RSPH14: variants seen among roughly 807,000 people sequenced by gnomAD.
RSPH14 encodes the protein rhabdoid tumor deletion region gene 1.
RSPH14 carries 20 observed loss-of-function variants against 26.7 expected under a neutral mutation model. The ratio of observed to expected loss-of-function variants is 0.75; its 90% CI spans 0.53 to 1.09. The LOEUF is 1.09. RSPH14 is among the 50% of genes least tolerant of loss of function. The pLI is 0.00. For synonymous variants in RSPH14, 177 were observed against 189.3 expected (o/e 0.93, Z 0.53); for missense variants, 449 against 457.2 (o/e 0.98, Z 0.16).
At chr22:23,171,865 AAAAC>A in the RSPH14 span, among the ~76,000 whole-genome samples, 1 of 150,230 alleles carries the variant, frequency 6.7e-6, no homozygotes, top group Non-Finnish European at 1.5e-5. Flanking sequence ...CAAAAAAAAA[AAAAC>A]AAGCAATGTT....
intron 4 of RSPH14, among the ~76,000 whole-genome samples, chr22:23,089,987 C>T (rs890795455): frequency 1.3e-5 from 2 of 152,172 alleles, no homozygotes; most frequent in East Asian, 1.9e-4. Flanking sequence ...GAACCTGGTG[C>T]CTGGCCCTAT....
chr22:23,082,013 T>C (rs942005052), intron 4 of RSPH14, among the ~76,000 whole-genome samples: 4 of 149,148 alleles, frequency 2.7e-5, no homozygotes, highest in African/African-American at 9.9e-5. Flanking sequence ...TAGTCCTAGC[T>C]ACTTGGGAGG....
intron 4 of RSPH14, among the ~76,000 whole-genome samples, chr22:23,121,477 C>T (rs2070022173): frequency 6.6e-6 from 1 of 152,188 alleles, no homozygotes; most frequent in Non-Finnish European, 1.5e-5. Context: ...CAAGCCAGAG[C>T]ACCTGGTTGT....
At chr22:23,096,955 G>A (rs1249843944) in intron 4 of RSPH14, among the ~76,000 whole-genome samples, 1 of 152,248 alleles carries the variant, frequency 6.6e-6, no homozygotes, top group Non-Finnish European at 1.5e-5. Flanking sequence ...GTGGGGGCTT[G>A]AGAGTGGAGT....
chr22:23,112,039 G>A (rs962057097), intron 4 of RSPH14, among the ~76,000 whole-genome samples: 1 of 152,170 alleles, frequency 6.6e-6, no homozygotes, highest in Admixed American at 6.5e-5. Flanking sequence ...TGGAGCCTTG[G>A]GGGTAACCAG....
chr22:23,099,057 G>A (rs2069213720), intron 4 of RSPH14, among the ~76,000 whole-genome samples: 1 of 152,222 alleles, frequency 6.6e-6, no homozygotes, highest in African/African-American at 2.4e-5. Context: ...CTCCTCCATA[G>A]CCCTCCTTCC....
At chr22:23,104,163 A>G (rs1054726340) in intron 4 of RSPH14, among the ~76,000 whole-genome samples, 1 of 152,172 alleles carries the variant, frequency 6.6e-6, no homozygotes, top group Non-Finnish European at 1.5e-5. Context: ...GTCGGGGGCC[A>G]TGGAGAGCAC....
At chr22:23,171,751 A>G in the RSPH14 span, among the ~76,000 whole-genome samples, 10 of 150,612 alleles carry the variant, frequency 6.6e-5, no homozygotes, top group African/African-American at 2.4e-4. Context: ...CTGAGGCAAG[A>G]GAATCGCTTG....
At chr22:23,110,995 CAG>C (rs1234025339) in intron 4 of RSPH14, among the ~76,000 whole-genome samples, 1 of 152,186 alleles carries the variant, frequency 6.6e-6, no homozygotes, top group Non-Finnish European at 1.5e-5. Context: ...GAACCAAGCA[CAG>C]GGGTGCTGCC....
chr22:23,124,711 G>T (rs897685651), intron 4 of RSPH14: 1 of 186,946 alleles, frequency 5.3e-6, no homozygotes, highest in Non-Finnish European at 1.1e-5. Context: ...TCCTGTGAAG[G>T]CACAGCCAGC....
At chr22:23,112,850 T>A (rs1301277696) in intron 4 of RSPH14, among the ~76,000 whole-genome samples, 1 of 151,988 alleles carries the variant, frequency 6.6e-6, no homozygotes, top group Non-Finnish European at 1.5e-5. Context: ...TGTGGACCCA[T>A]CAGGAAGGCA....
At chr22:23,160,768 G>A in the RSPH14 span, 3 of 1,463,104 alleles carry the variant, frequency 2.1e-6, no homozygotes, top group Admixed American at 2.0e-5. Context: ...GGGTGCTCTA[G>A]AAAGGGCTAC....
chr22:23,087,538 T>G (rs897020095), intron 4 of RSPH14, among the ~76,000 whole-genome samples: 13 of 152,174 alleles, frequency 8.5e-5, no homozygotes, highest in African/African-American at 3.1e-4. Flanking sequence ...AGACGAGAAT[T>G]GCAATAGAGA....
At chr22:23,076,299 G>A (rs1190071239) in intron 4 of RSPH14, among the ~76,000 whole-genome samples, 2 of 152,222 alleles carry the variant, frequency 1.3e-5, no homozygotes, top group East Asian at 3.8e-4. Flanking sequence ...TGAGGGCAGG[G>A]ACGTTGCGGA....
intron 4 of RSPH14, among the ~76,000 whole-genome samples, chr22:23,119,459 C>G (rs2069946030): frequency 6.6e-6 from 1 of 152,266 alleles, no homozygotes; most frequent in African/African-American, 2.4e-5. Context: ...TCTCTGAGAG[C>G]TGCAGGCCTC....
intron 3 of RSPH14, chr22:23,136,119 C>G: frequency 1.6e-6 from 1 of 609,978 alleles, no homozygotes; most frequent in South Asian, 2.0e-5. Context: ...TGGTCCGTGT[C>G]TAGTCACCCA....
intron 4 of RSPH14, among the ~76,000 whole-genome samples, chr22:23,104,009 G>C (rs984727701): frequency 3.9e-5 from 6 of 152,192 alleles, no homozygotes; most frequent in African/African-American, 1.4e-4. Flanking sequence ...ATTTGCAGGA[G>C]AGACGGGGGC....
chr22:23,141,462 C>T (rs1293785482), intron 1 of RSPH14, among the ~76,000 whole-genome samples: 2 of 152,064 alleles, frequency 1.3e-5, no homozygotes, highest in African/African-American at 2.4e-5. Context: ...TGGCAAGTTA[C>T]TTCCTCTATC....
At chr22:23,118,688 T>C (rs2069923423) in intron 4 of RSPH14, among the ~76,000 whole-genome samples, 1 of 152,194 alleles carries the variant, frequency 6.6e-6, no homozygotes, top group South Asian at 2.1e-4. Context: ...CTCCTCTGAA[T>C]CCAGGGTCTG....
Sources: allele counts gnomAD v4.1 joint callset (sites outside exome capture counted in the v4.1 genomes callset), GRCh38; gene constraint gnomAD v4.1.1; transcripts MANE v1.5; gene names NCBI Gene and HGNC (gene_info 2026-07-23, HGNC 2026-07-21).